The following SEC14L1 variants were observed in gnomAD, a reference collection of about 807,000 sequenced individuals.
SEC14L1 encodes the protein SEC14 like lipid binding 1.
In SEC14L1, 48 loss-of-function variants were observed where a neutral mutation model predicts 85.3. That is an observed-to-expected ratio of 0.56 (90% CI 0.45 to 0.72). The LOEUF is 0.72. Ranked by LOEUF, SEC14L1 falls within the 30% of genes least tolerant of loss-of-function variation. The probability of loss-of-function intolerance (pLI) is 0.00; values close to 1 mark genes in which losing one functional copy is unlikely to be tolerated. For missense variants in SEC14L1, 682 were observed against 921.4 expected, an observed-to-expected ratio of 0.74 and a Z score of 3.36; for synonymous variants, 391 against 355.5, an observed-to-expected ratio of 1.10 and a Z score of -1.12.
chr17:77,139,725 C>A (rs1349995371), upstream of SEC14L1, among the ~76,000 whole-genome samples: 1 of 151,832 alleles, frequency 6.6e-6, no homozygotes, highest in Non-Finnish European at 1.5e-5. Context: ...GTCTCGATCT[C>A]CTGACCTCGT....
chr17:77,183,387 AAAGT>A (rs1460022583), intron 3 of SEC14L1, among the ~76,000 whole-genome samples: 2 of 152,260 alleles, frequency 1.3e-5, no homozygotes, highest in African/African-American at 2.4e-5. Context: ...GAAACATTTG[AAAGT>A]AAGTTGCTTT....
chr17:77,205,987 T>A (rs773868920), intron 11 of SEC14L1, among the ~76,000 whole-genome samples: 7 of 152,230 alleles, frequency 4.6e-5, no homozygotes, highest in Non-Finnish European at 1.0e-4. Context: ...AGAGAGCTTT[T>A]CGTGCATTAT....
At chr17:77,150,670 C>CGGGCAGCTGTGCCCATGTT (rs1165333285) in intron 3 of SEC14L1, among the ~76,000 whole-genome samples, 1 of 152,182 alleles carries the variant, frequency 6.6e-6, no homozygotes, top group Non-Finnish European at 1.5e-5. Context: ...CACTTTCTGA[C>CGGGCAGCTGTGCCCATGTT]GGGCAGCTGT....
chr17:77,203,715 C>A, intron 10 of SEC14L1, 57 bp downstream of exon 10: 4 of 1,376,936 alleles, frequency 2.9e-6, no homozygotes, highest in Non-Finnish European at 4.1e-6. Flanking sequence ...TTTTTCTCTG[C>A]CAGTAGGATT....
Position 77,200,546 on chromosome 17 carries a change from C to T in SEC14L1, c.882C>T (p.Ala294=). 6.2e-7 allele frequency: 1 copy of T among 1,614,016 alleles called. No homozygotes were observed. Among genetic ancestry groups the T allele is most frequent in the Non-Finnish European group, 8.5e-7 (1 of 1,179,948 alleles). The change falls in exon 9 of 17, where the codon GCC becomes GCT. Residue 294 remains alanine (A), a synonymous_variant. Coordinates refer to ENST00000436233, the MANE Select transcript of SEC14L1 (RefSeq NM_001143998.2). ...LRARDFNIDK[A]REIMCQSLTW... Reference sequence around the variant, plus strand: ...CACGGGATTTTAATATTGACAAAGCCAGAGAGATCATGTGTCAGTCTTTGA... The same window carrying T: ...CACGGGATTTTAATATTGACAAAGCTAGAGAGATCATGTGTCAGTCTTTGA...
chr17:77,147,459 A>G (rs556049618), intron 3 of SEC14L1, among the ~76,000 whole-genome samples: 8 of 152,128 alleles, frequency 5.3e-5, no homozygotes, highest in African/African-American at 1.9e-4. Flanking sequence ...TTCAGTAGGC[A>G]TTTGCATGGT....
rs752004284 is a variant in SEC14L1 at position 77,200,435 on chromosome 17, C to G, written c.820-49C>G. On this transcript the variant is annotated intron_variant, in intron 8 of 16. Transcript: ENST00000436233. The stretch of plus-strand genomic sequence containing the variant: ...CCGTCCACCGCAGCCTCCCAAAGTT[C>G]CCTTCACAACTTTTAACATTGCTTA... The G allele has an allele frequency of 3.3e-6, 5 of 1,513,820 alleles. No homozygotes were observed. In the Admixed American group the frequency reaches 8.7e-5, roughly 26 times the overall value. 93.8% of individuals were successfully genotyped at this position (1,513,820 alleles called of 1,614,324 possible).
Position 77,216,363 on chromosome 17 carries a change from T to A in SEC14L1, c.*2340T>A. ...AGGGTTAGTAGGTAGGGCTAGTAGG[T>A]AGGGCTAGTAGGTAGGGCTAGTAGG... On this transcript the variant is annotated 3_prime_UTR_variant, in exon 17 of 17. Coordinates refer to ENST00000436233, the MANE Select transcript of SEC14L1 (RefSeq NM_001143998.2). 2.1e-6 allele frequency: 3 copies of A among 1,400,692 alleles called. No homozygotes were observed. Among genetic ancestry groups the A allele is most frequent in the Non-Finnish European group, 2.8e-6 (3 of 1,076,652 alleles). 86.8% of individuals were successfully genotyped at this position (1,400,692 alleles called of 1,614,324 possible). A position where few individuals can be genotyped will look rare whatever the true frequency, so the allele number is the denominator to read the frequency against.
intron 3 of SEC14L1, among the ~76,000 whole-genome samples, chr17:77,181,859 T>C (rs1248958816): frequency 3.9e-5 from 6 of 152,206 alleles, no homozygotes. Flanking sequence ...GTGTGAATTA[T>C]AGAATTAGAA....
intron 3 of SEC14L1, among the ~76,000 whole-genome samples, chr17:77,178,065 CT>C (rs1353798812): frequency 4.3e-4 from 58 of 136,438 alleles, no homozygotes; most frequent in Admixed American, 7.9e-4. Flanking sequence ...TCCCCCCCCC[CT>C]TTTTTTTTTG....
chr17:77,215,193 T>G lies in SEC14L1; in HGVS notation c.*1170T>G. 1.0e-6 allele frequency: 1 copy of G among 985,350 alleles called. No individual in the cohort carries two copies. The highest frequency in any genetic ancestry group is 1.2e-6 in the Non-Finnish European group (1 of 829,930). 61.0% of individuals were successfully genotyped at this position (985,350 alleles called of 1,614,324 possible). On this transcript the variant is annotated 3_prime_UTR_variant, in exon 17 of 17. Coordinates refer to ENST00000436233, the MANE Select transcript of SEC14L1 (RefSeq NM_001143998.2). ...ACAGAAGCAAATCAGAATATGGGATTTGTTTGCCTTTTACATTTTGTTTAA... is the reference window on the plus strand; with the variant it reads ...ACAGAAGCAAATCAGAATATGGGATGTGTTTGCCTTTTACATTTTGTTTAA...
At chr17:77,095,671 A>C (rs1971624279) in intron 3 of SEC14L1, among the ~76,000 whole-genome samples, 1 of 151,938 alleles carries the variant, frequency 6.6e-6, no homozygotes, top group Admixed American at 6.6e-5. Context: ...ACAAAATTCA[A>C]CCAGGTGTCG....
intron 7 of SEC14L1, chr17:77,195,150 A>C (rs1239047047): frequency 3.7e-6 from 2 of 540,690 alleles, no homozygotes; most frequent in Non-Finnish European, 3.3e-6. Context: ...TCTTTTATGG[A>C]TACCAGAAGG....
chr17:77,174,074 G>A (rs1974642310), intron 3 of SEC14L1, among the ~76,000 whole-genome samples: 3 of 151,738 alleles, frequency 2.0e-5, no homozygotes, highest in African/African-American at 7.3e-5. Flanking sequence ...CTAATTTTTT[G>A]TATTTTATTT....
chr17:77,162,906 G>C (rs1443658475), intron 3 of SEC14L1, among the ~76,000 whole-genome samples: 1 of 151,994 alleles, frequency 6.6e-6, no homozygotes, highest in Non-Finnish European at 1.5e-5. Flanking sequence ...GTGCTTTGTA[G>C]GTGATGTTAA....
At chr17:77,117,557 A>G (rs1196723904) in intron 3 of SEC14L1, among the ~76,000 whole-genome samples, 1 of 152,218 alleles carries the variant, frequency 6.6e-6, no homozygotes, top group African/African-American at 2.4e-5. Flanking sequence ...ATGAATTAGC[A>G]TAACTTCACA....
chr17:77,194,978 GT>G, intron 7 of SEC14L1, 67 bp downstream of exon 7: 1 of 1,177,418 alleles, frequency 8.5e-7, no homozygotes. Flanking sequence ...TTTTCTCTCT[GT>G]TTGCTCTGCC....
intron 3 of SEC14L1, among the ~76,000 whole-genome samples, chr17:77,177,990 CT>C (rs1974835533): frequency 2.0e-5 from 3 of 151,788 alleles, no homozygotes; most frequent in Admixed American, 1.3e-4. Flanking sequence ...GGGTAATGCC[CT>C]AGTTCTTTGC....
At chr17:77,154,429 G>C (rs1283240709) in intron 3 of SEC14L1, among the ~76,000 whole-genome samples, 3 of 152,226 alleles carry the variant, frequency 2.0e-5, no homozygotes, top group Admixed American at 2.0e-4. Flanking sequence ...ACTCTGGCCT[G>C]TGTGAACAGA....
Sources: gnomAD v4.1 joint callset for allele counts (sites outside exome capture counted in the v4.1 genomes callset) on GRCh38, gnomAD v4.1.1 for gene constraint, MANE v1.5 for transcripts, NCBI Gene and HGNC (gene_info 2026-07-23, HGNC 2026-07-21) for gene names.